TRIM2: variants seen among roughly 807,000 people sequenced by gnomAD.
The protein encoded by TRIM2 is tripartite motif containing 2.
Under a neutral mutation model 75.2 loss-of-function variants are expected in TRIM2, and 20 were observed. The ratio of observed to expected loss-of-function variants is 0.27; its 90% CI spans 0.19 to 0.39. The LOEUF (loss-of-function observed/expected upper bound fraction) is 0.39. Among genes scored for constraint, TRIM2 ranks in the 10% least tolerant of loss-of-function variants. The pLI is 1.00. For synonymous variants in TRIM2, 373 were observed against 388.3 expected, an observed-to-expected ratio of 0.96 and a Z score of 0.46; for missense variants, 660 against 990.8, an observed-to-expected ratio of 0.67 and a Z score of 4.48.
chr4:153,223,763 T>C (rs1020917967), intron 1 of TRIM2, among the ~76,000 whole-genome samples: 1 of 152,156 alleles, frequency 6.6e-6, no homozygotes, highest in African/African-American at 2.4e-5. Context: ...GCCCCTTTGC[T>C]TTCCCGGGAA....
At chr4:153,296,167 A>G in intron 6 of TRIM2, 131 bp downstream of exon 6, 1 of 1,194,768 alleles carries the variant, frequency 8.4e-7, no homozygotes, top group Non-Finnish European at 1.1e-6. Flanking sequence ...GTACTGCTAT[A>G]AAATTTGATA....
intron 1 of TRIM2, among the ~76,000 whole-genome samples, chr4:153,260,698 C>T (rs35163156): frequency 0.034 from 2,587 of 75,524 alleles, 166 homozygotes; most frequent in African/African-American, 0.081. Flanking sequence ...CCACCCCCCC[C>T]CCCACACACA....
At chr4:153,210,043 A>G (rs983468585) in intron 1 of TRIM2, among the ~76,000 whole-genome samples, 1 of 151,180 alleles carries the variant, frequency 6.6e-6, no homozygotes, top group Non-Finnish European at 1.5e-5. Flanking sequence ...CCTAGTTGCC[A>G]CATTGGGTGA....
At chr4:153,219,145 T>G (rs1326739956) in intron 1 of TRIM2, among the ~76,000 whole-genome samples, 3 of 152,206 alleles carry the variant, frequency 2.0e-5, no homozygotes, top group Non-Finnish European at 4.4e-5. Context: ...CAGTAAACAT[T>G]GGTTGATCTT....
chr4:153,236,898 G>T (rs1044992194), intron 1 of TRIM2, among the ~76,000 whole-genome samples: 6 of 152,106 alleles, frequency 3.9e-5, no homozygotes, highest in Non-Finnish European at 8.8e-5. Context: ...TCACTATGTT[G>T]CCTAGGCCTG....
intron 1 of TRIM2, among the ~76,000 whole-genome samples, chr4:153,195,855 A>G (rs1307382379): frequency 6.6e-6 from 1 of 152,142 alleles, no homozygotes; most frequent in East Asian, 1.9e-4. Context: ...TTTGTCGCCC[A>G]GGCTGGAGTG....
At chr4:153,309,552 G>T (rs1212598054) in intron 6 of TRIM2, 1 of 151,678 alleles carries the variant, frequency 6.6e-6, no homozygotes, top group South Asian at 2.1e-4. Flanking sequence ...TGAAGATCCT[G>T]TGTTAGATCT....
intron 6 of TRIM2, among the ~76,000 whole-genome samples, chr4:153,314,573 C>T (rs1767179313): frequency 6.7e-6 from 1 of 150,148 alleles, no homozygotes; most frequent in Non-Finnish European, 1.5e-5. Context: ...TATCGCAAGA[C>T]CCTGTCTCAA....
At chr4:153,311,878 A>G (rs894903988) in intron 6 of TRIM2, among the ~76,000 whole-genome samples, 2 of 142,072 alleles carry the variant, frequency 1.4e-5, no homozygotes. Flanking sequence ...GTTTTTGATA[A>G]ATGAAGTTTT....
intron 1 of TRIM2, among the ~76,000 whole-genome samples, chr4:153,174,992 T>C (rs761480708): frequency 1.9e-4 from 25 of 129,554 alleles, no homozygotes; most frequent in Non-Finnish European, 3.0e-4. Flanking sequence ...TTGTTGTTGT[T>C]GTTGTTTTGT....
intron 6 of TRIM2, among the ~76,000 whole-genome samples, chr4:153,304,414 C>T (rs1394159004): frequency 2.0e-5 from 3 of 151,762 alleles, no homozygotes; most frequent in Admixed American, 1.3e-4. Context: ...ATGCCCGGCC[C>T]CTTGAGATGA....
rs547233890 is a variant in TRIM2 at position 153,255,075 on chromosome 4, TTGC to T, written c.31-15258_31-15256del. 2.9e-3 allele frequency among the ~76,000 whole-genome samples: 438 copies of T among 152,248 alleles called. 10 individuals are homozygous for T. Among genetic ancestry groups the T allele is most frequent in the East Asian group, 9.7e-4 (5 of 5,178 alleles). On this transcript the variant is annotated intron_variant, in intron 1 of 11. Transcript: ENST00000338700. Reference sequence around the variant, plus strand: ...TCCCTTCTATGGGCGCCCAGAGCATTTGCTTCCTCTTGCTCTCAAGCATTTACC... The same window carrying T: ...TCCCTTCTATGGGCGCCCAGAGCATTTTCCTCTTGCTCTCAAGCATTTACC...
intron 1 of TRIM2, chr4:153,222,237 A>G (rs1283828895): frequency 6.6e-6 from 1 of 152,006 alleles, no homozygotes; most frequent in Non-Finnish European, 1.5e-5. Flanking sequence ...CTTCGCTCAC[A>G]TTCAGGAGCT....
chr4:153,280,058 A>G (rs1758913459), intron 3 of TRIM2, among the ~76,000 whole-genome samples: 1 of 151,746 alleles, frequency 6.6e-6, no homozygotes, highest in Non-Finnish European at 1.5e-5. Flanking sequence ...TGGGTGATAA[A>G]GCGAGACCCT....
chr4:153,249,813 G>A (rs1046532245), intron 1 of TRIM2, among the ~76,000 whole-genome samples: 3 of 152,238 alleles, frequency 2.0e-5, no homozygotes, highest in African/African-American at 7.2e-5. Flanking sequence ...TGGTAATGGA[G>A]CTCTGCTTAA....
In TRIM2 at chr4:153,324,062, T is replaced by G; in HGVS notation, c.1952-16T>G. On this transcript the variant is annotated splice_polypyrimidine_tract_variant and intron_variant, in intron 9 of 11. Transcript: ENST00000338700. ...TTGTTGTAGTCATCACATATTTTTT[T>G]CCATCTTTATTGCAGGTCCCCATTT... is the stretch of plus-strand genomic sequence containing the variant. 6.2e-7 allele frequency: 1 copy of G among 1,608,946 alleles called. No individual in the cohort carries two copies. Among genetic ancestry groups the G allele is most frequent in the Non-Finnish European group, 8.5e-7 (1 of 1,176,862 alleles).
intron 3 of TRIM2, among the ~76,000 whole-genome samples, chr4:153,284,512 C>G (rs1490679284): frequency 6.6e-6 from 1 of 152,192 alleles, no homozygotes; most frequent in African/African-American, 2.4e-5. Context: ...CCTGGAACCA[C>G]CAACTGTTTT....
At chr4:153,257,751 T>C in intron 1 of TRIM2, 1 of 528,862 alleles carries the variant, frequency 1.9e-6, no homozygotes, top group Admixed American at 2.4e-5. Flanking sequence ...GTTAGTCTGT[T>C]TGTCTTCAGA....
chr4:153,227,445 A>G (rs995333391), intron 1 of TRIM2, among the ~76,000 whole-genome samples: 1 of 152,166 alleles, frequency 6.6e-6, no homozygotes, highest in Non-Finnish European at 1.5e-5. Context: ...TTAATCGCCA[A>G]AATAGCCTCT....
Sources: allele counts gnomAD v4.1 joint callset (sites outside exome capture counted in the v4.1 genomes callset), GRCh38; gene constraint gnomAD v4.1.1; transcripts MANE v1.5; gene names NCBI Gene and HGNC (gene_info 2026-07-23, HGNC 2026-07-21).